Variants in VWA3B observed in about 807,000 individuals in gnomAD.
The protein encoded by VWA3B is von Willebrand factor A domain-containing protein 3B.
VWA3B carries 138 observed loss-of-function variants against 158.3 expected under a neutral mutation model. The observed-to-expected ratio is 0.87, with a 90% CI of 0.76 to 1.00. The LOEUF (loss-of-function observed/expected upper bound fraction) is 1.00, where lower values mean the gene tolerates loss of function less well. VWA3B is among the 50% of genes least tolerant of loss of function. The pLI, the probability that VWA3B is intolerant of heterozygous loss-of-function variation, is 0.00. For synonymous variants in VWA3B, 596 were observed against 587.3 expected, an observed-to-expected ratio of 1.01 and a Z score of -0.21; for missense variants, 1,555 against 1,565.1, an observed-to-expected ratio of 0.99 and a Z score of 0.11.
At chr2:98,275,701 C>T (rs1688481908) in intron 22 of VWA3B, among the ~76,000 whole-genome samples, 1 of 152,246 alleles carries the variant, frequency 6.6e-6, no homozygotes, top group Non-Finnish European at 1.5e-5. Context: ...GCTCTTTCCA[C>T]TGCTAAAGTT....
the VWA3B span, among the ~76,000 whole-genome samples, chr2:98,330,585 T>C: frequency 2.0e-5 from 3 of 152,198 alleles, no homozygotes; most frequent in Non-Finnish European, 2.9e-5. Context: ...TATTCATATT[T>C]GTATTGTTCT....
intron 14 of VWA3B, among the ~76,000 whole-genome samples, chr2:98,221,841 T>A (rs888804247): frequency 6.6e-6 from 1 of 152,144 alleles, no homozygotes; most frequent in African/African-American, 2.4e-5. Flanking sequence ...CCAGGCAGTG[T>A]GAGGCCAGTC....
intron 6 of VWA3B, among the ~76,000 whole-genome samples, chr2:98,131,783 C>T (rs1675890287): frequency 6.6e-6 from 1 of 152,152 alleles, no homozygotes; most frequent in Non-Finnish European, 1.5e-5. Context: ...GAATTTTTCC[C>T]ATCACTTTGC....
chr2:98,100,333 G>A (rs1235341286), intron 2 of VWA3B, among the ~76,000 whole-genome samples: 1 of 152,220 alleles, frequency 6.6e-6, no homozygotes, highest in Non-Finnish European at 1.5e-5. Flanking sequence ...GGACCACCAT[G>A]ATGACTGGCA....
intron 5 of VWA3B, among the ~76,000 whole-genome samples, chr2:98,127,741 G>A (rs934595915): frequency 3.9e-5 from 6 of 152,224 alleles, no homozygotes; most frequent in Admixed American, 1.3e-4. Context: ...CCCCAGCTCC[G>A]GGCGTGTGAG....
chr2:98,325,805 A>G, the VWA3B span, among the ~76,000 whole-genome samples: 1 of 152,320 alleles, frequency 6.6e-6, no homozygotes, highest in South Asian at 2.1e-4. Context: ...AACACTTCCT[A>G]GAACAAGTAG....
At chr2:98,095,778 G>T (rs774853838) in intron 2 of VWA3B, among the ~76,000 whole-genome samples, 1 of 152,124 alleles carries the variant, frequency 6.6e-6, no homozygotes, top group Non-Finnish European at 1.5e-5. Flanking sequence ...CCTTTACTGT[G>T]TTGAGGCACA....
chr2:98,306,866 T>C (rs943895964), intron 26 of VWA3B, among the ~76,000 whole-genome samples: 2 of 152,206 alleles, frequency 1.3e-5, no homozygotes, highest in Non-Finnish European at 2.9e-5. Flanking sequence ...TTTCTACTCT[T>C]TTTTATGTTG....
chr2:98,185,722 T>C (rs1396969686), intron 9 of VWA3B, among the ~76,000 whole-genome samples: 1 of 152,232 alleles, frequency 6.6e-6, no homozygotes, highest in Non-Finnish European at 1.5e-5. Context: ...GAATTGTCCT[T>C]GTCCTGTCTA....
chr2:98,180,798 T>G (rs904177849), intron 8 of VWA3B, among the ~76,000 whole-genome samples: 1 of 152,224 alleles, frequency 6.6e-6, no homozygotes, highest in African/African-American at 2.4e-5. Context: ...TGCTTTGCAG[T>G]CTTTTGAATT....
At chr2:98,307,536 T>C (rs371551742) in intron 26 of VWA3B, among the ~76,000 whole-genome samples, 1 of 152,270 alleles carries the variant, frequency 6.6e-6, no homozygotes, top group African/African-American at 2.4e-5. Context: ...GGCAAATATT[T>C]AAACTAAATT....
rs764413709 is a variant in VWA3B, at chr2:98,312,001, G to A, written c.3704G>A (p.Gly1235Glu). ...TCCTCCCACGGCATCAGCTCCCATG[G>A]GTCCTGCCAGGGGACACACCCCGAG... is the stretch of plus-strand genomic sequence containing the variant. ...DGSSHGISSH[G>E]SCQGTHPEPR... The change falls in exon 27 of 28, where the codon GGG becomes GAG. Residue 1235 changes from glycine to glutamate, a missense_variant. Gly to Glu is a moderately conservative substitution (Grantham distance 98). Transcript: ENST00000477737. 20 of 1,601,998 alleles carry A rather than the reference G, an allele frequency of 1.2e-5. No individual in the cohort carries two copies. The highest frequency in any genetic ancestry group is 8.5e-7 in the Non-Finnish European group (1 of 1,174,272).
chr2:98,266,364 G>A (rs1574235934), intron 21 of VWA3B, among the ~76,000 whole-genome samples: 1 of 150,550 alleles, frequency 6.6e-6, no homozygotes, highest in African/African-American at 2.4e-5. Context: ...GTAGATATGT[G>A]GCGTTATTTC....
At position 98,139,849 on chromosome 2, in the gene VWA3B, T is replaced by TC. The variant is rs201372371; in HGVS notation, c.988+5914dup. 9.3e-3 allele frequency among the ~76,000 whole-genome samples: 1,408 copies of TC among 152,150 alleles called. 37 individuals are homozygous for TC. The highest frequency in any genetic ancestry group is 7.1e-3 in the Non-Finnish European group (480 of 67,980). ...AGCCAGCAGTGGTAACCCCCTCAGGTCCCCTCAGGCTGTGGAAGCTTTGTT... is the reference window on the plus strand; with the variant it reads ...AGCCAGCAGTGGTAACCCCCTCAGGTCCCCCTCAGGCTGTGGAAGCTTTGTT... On this transcript the variant is annotated intron_variant, in intron 7 of 27. Transcript: ENST00000477737.
At chr2:98,165,553 G>A (rs1450651321) in intron 8 of VWA3B, among the ~76,000 whole-genome samples, 1 of 152,184 alleles carries the variant, frequency 6.6e-6, no homozygotes, top group Non-Finnish European at 1.5e-5. Flanking sequence ...AGAGGGCAGG[G>A]AGGTCAGGCC....
At chr2:98,290,484 CAAT>C (rs1383357557) in intron 22 of VWA3B, 24 bp from the exon 23 acceptor site, 4 of 1,511,138 alleles carry the variant, frequency 2.6e-6, no homozygotes, top group Non-Finnish European at 3.6e-6. Context: ...TTTTTCTCAT[CAAT>C]TATTTCTGCT....
intron 22 of VWA3B, among the ~76,000 whole-genome samples, chr2:98,289,929 G>T (rs930563930): frequency 1.3e-5 from 2 of 152,174 alleles, no homozygotes; most frequent in Non-Finnish European, 2.9e-5. Flanking sequence ...GGCAGATATT[G>T]CCCTTGCCAA....
At chr2:98,135,422 G>A (rs1231452979) in intron 7 of VWA3B, among the ~76,000 whole-genome samples, 4 of 122,932 alleles carry the variant, frequency 3.3e-5, no homozygotes, top group Non-Finnish European at 6.4e-5. Flanking sequence ...TGCAAGCTCC[G>A]CCTCCCGGGT....
chr2:98,290,236 G>C (rs1689405768), intron 22 of VWA3B, among the ~76,000 whole-genome samples: 1 of 152,174 alleles, frequency 6.6e-6, no homozygotes, highest in Admixed American at 6.5e-5. Context: ...CAGCATGAGA[G>C]AGAGAGTGAA....
Sources: allele counts gnomAD v4.1 joint callset (sites outside exome capture counted in the v4.1 genomes callset), GRCh38; gene constraint gnomAD v4.1.1; transcripts MANE v1.5; gene names NCBI Gene and HGNC (gene_info 2026-07-23, HGNC 2026-07-21).